ADK: variants seen among roughly 807,000 people sequenced by gnomAD.
ADK encodes N6,N6-dimethyladenosine kinase.
In ADK, 24 loss-of-function variants were observed where a neutral mutation model predicts 44.7. The ratio of observed to expected loss-of-function variants is 0.54; its 90% CI spans 0.39 to 0.76. The LOEUF (loss-of-function observed/expected upper bound fraction) is 0.76. Ranked by LOEUF, ADK falls within the 30% of genes least tolerant of loss-of-function variation. ADK has a pLI of 0.00. For synonymous variants in ADK, 128 were observed against 142.6 expected (o/e 0.90, Z 0.73); for missense variants, 321 against 425.1 (o/e 0.76, Z 2.15).
At chr10:74,225,752 CATA>C (rs1392313428) in intron 3 of ADK, among the ~76,000 whole-genome samples, 1 of 152,118 alleles carries the variant, frequency 6.6e-6, no homozygotes. Flanking sequence ...GTATAATCTC[CATA>C]GTGGGTTCTC....
At chr10:74,172,146 T>C (rs796117587) in intron 1 of ADK, among the ~76,000 whole-genome samples, 8 of 143,992 alleles carry the variant, frequency 5.6e-5, no homozygotes, top group African/African-American at 1.5e-4. Flanking sequence ...TCTTTTTTTT[T>C]TTTTTTTTTT....
intron 3 of ADK, among the ~76,000 whole-genome samples, chr10:74,312,825 G>A (rs1365578260): frequency 7.4e-6 from 1 of 135,326 alleles, no homozygotes; most frequent in Non-Finnish European, 1.5e-5. Context: ...GAGGCGGGAG[G>A]ATCCCTTGAG....
intron 3 of ADK, among the ~76,000 whole-genome samples, chr10:74,238,388 A>G (rs1368587025): frequency 6.6e-6 from 1 of 152,198 alleles, no homozygotes; most frequent in South Asian, 2.1e-4. Context: ...ATTGCTCACA[A>G]TGTTTAAGTG....
chr10:74,257,432 A>G (rs981468914), intron 3 of ADK, among the ~76,000 whole-genome samples: 3 of 152,196 alleles, frequency 2.0e-5, no homozygotes, highest in Non-Finnish European at 2.9e-5. Context: ...TTGATATTCA[A>G]AGTTTCATAA....
At chr10:74,677,356 T>C (rs1556822) in intron 10 of ADK, among the ~76,000 whole-genome samples, 122,582 of 152,246 alleles carry the variant, frequency 0.81, 49,699 homozygotes, top group African/African-American at 0.89. Flanking sequence ...TTCCTCTTCA[T>C]GTGGCACCTA....
chr10:74,197,629 C>T (rs1378423769), intron 1 of ADK, among the ~76,000 whole-genome samples: 1 of 148,666 alleles, frequency 6.7e-6, no homozygotes, highest in Non-Finnish European at 1.5e-5. Context: ...GCCCATGAGG[C>T]AGAGGTTGCA....
chr10:74,650,654 A>C (rs1429456320), intron 9 of ADK, among the ~76,000 whole-genome samples: 1 of 152,210 alleles, frequency 6.6e-6, no homozygotes, highest in Non-Finnish European at 1.5e-5. Flanking sequence ...AGCACAACAC[A>C]AATTTCTTGT....
intron 6 of ADK, among the ~76,000 whole-genome samples, chr10:74,414,127 A>T (rs953555799): frequency 6.6e-6 from 1 of 152,206 alleles, no homozygotes; most frequent in South Asian, 2.1e-4. Context: ...TTACCAAAAT[A>T]TGACAGAGAT....
chr10:74,613,630 G>C (rs1348245985), intron 9 of ADK, among the ~76,000 whole-genome samples: 1 of 152,022 alleles, frequency 6.6e-6, no homozygotes, highest in Admixed American at 6.6e-5. Flanking sequence ...TACCTCATCT[G>C]CTAGTTAAGT....
intron 1 of ADK, among the ~76,000 whole-genome samples, chr10:74,188,705 A>G (rs1842853461): frequency 6.6e-6 from 1 of 151,604 alleles, no homozygotes; most frequent in Non-Finnish European, 1.5e-5. Flanking sequence ...ACCTTTTTTG[A>G]GTTAGAAGTT....
intron 7 of ADK, among the ~76,000 whole-genome samples, chr10:74,556,816 A>AT (rs998990476): frequency 6.6e-6 from 1 of 152,216 alleles, no homozygotes; most frequent in African/African-American, 2.4e-5. Context: ...ATAGCAGTTT[A>AT]TCTATAGAAA....
At chr10:74,392,750 ATATATAT>A (rs67331215) in intron 4 of ADK, among the ~76,000 whole-genome samples, 71,077 of 151,336 alleles carry the variant, frequency 0.47, 19,504 homozygotes, top group Non-Finnish European at 0.62. Flanking sequence ...TTTGAAAATA[ATATATAT>A]TATTAAGTTT....
At chr10:74,523,857 CATTT>C (rs1341981000) in intron 6 of ADK, among the ~76,000 whole-genome samples, 1 of 152,174 alleles carries the variant, frequency 6.6e-6, no homozygotes, top group Non-Finnish European at 1.5e-5. Context: ...CAAATGTAGA[CATTT>C]ATTAACTGTT....
intron 7 of ADK, among the ~76,000 whole-genome samples, chr10:74,569,476 G>C (rs1850845489): frequency 6.6e-6 from 1 of 152,178 alleles, no homozygotes; most frequent in African/African-American, 2.4e-5. Context: ...ATTCTAACTG[G>C]TGTGAGATGG....
chr10:74,579,162 A>T (rs1271897701), intron 7 of ADK, among the ~76,000 whole-genome samples: 1 of 151,630 alleles, frequency 6.6e-6, no homozygotes, highest in African/African-American at 2.4e-5. Context: ...TGAACCGGGG[A>T]GGCAGAGGTT....
At chr10:74,575,385 CA>C in intron 7 of ADK, among the ~76,000 whole-genome samples, 1 of 152,196 alleles carries the variant, frequency 6.6e-6, no homozygotes, top group East Asian at 1.9e-4. Flanking sequence ...CAACTTGAGC[CA>C]AATTCTTTTA....
At chr10:74,517,296 C>T (rs1358624102) in intron 6 of ADK, among the ~76,000 whole-genome samples, 1 of 152,152 alleles carries the variant, frequency 6.6e-6, no homozygotes, top group Non-Finnish European at 1.5e-5. Flanking sequence ...TCTTTTTCCT[C>T]ATTTTACTTC....
At chr10:74,540,821 A>C (rs1031211768) in intron 7 of ADK, among the ~76,000 whole-genome samples, 1 of 152,080 alleles carries the variant, frequency 6.6e-6, no homozygotes, top group Non-Finnish European at 1.5e-5. Context: ...AAAAACTGTA[A>C]ATTTATATCA....
chr10:74,538,713 A>G (rs1325918046), intron 7 of ADK, among the ~76,000 whole-genome samples: 2 of 152,230 alleles, frequency 1.3e-5, no homozygotes, highest in Non-Finnish European at 2.9e-5. Context: ...CAGATGGGAT[A>G]CATTGGCTTT....
Sources: gnomAD v4.1 joint callset for allele counts (sites outside exome capture counted in the v4.1 genomes callset) on GRCh38, gnomAD v4.1.1 for gene constraint, MANE v1.5 for transcripts, NCBI Gene and HGNC (gene_info 2026-07-23, HGNC 2026-07-21) for gene names.